Variants in BRD7 observed in about 807,000 individuals in gnomAD.
BRD7 encodes bromodomain containing 7.
Under a neutral mutation model 82.1 loss-of-function variants are expected in BRD7, and 15 were observed. The observed-to-expected ratio is 0.18, with a 90% CI of 0.12 to 0.28. The LOEUF is 0.28. Among genes scored for constraint, BRD7 ranks in the 10% least tolerant of loss-of-function variants. The pLI, the probability that BRD7 is intolerant of heterozygous loss-of-function variation, is 1.00. For missense variants in BRD7, 638 were observed against 779.9 expected, an observed-to-expected ratio of 0.82 and a Z score of 2.17; for synonymous variants, 232 against 266.9, an observed-to-expected ratio of 0.87 and a Z score of 1.27.
chr16:50,354,495 A>G lies in BRD7; in HGVS notation c.389-13T>C, dbSNP rs997720128. 1 of 1,605,102 alleles carries G rather than the reference A, an allele frequency of 6.2e-7. No homozygotes were observed. The highest frequency in any genetic ancestry group is 8.5e-7 in the Non-Finnish European group (1 of 1,173,832). ...GTCTGTTCTACTTCTAAAGCAAAGA[A>G]GAAGGGAAAAGGGTATTTTAAAAAG... On this transcript the variant is annotated splice_polypyrimidine_tract_variant and intron_variant, in intron 3 of 16. Coordinates refer to ENST00000394688, the MANE Select transcript of BRD7 (RefSeq NM_013263.5).
At chr16:50,347,054 T>G (rs2038313520) in intron 5 of BRD7, among the ~76,000 whole-genome samples, 1 of 152,190 alleles carries the variant, frequency 6.6e-6, no homozygotes, top group Non-Finnish European at 1.5e-5. Context: ...TCAAAAAGCT[T>G]ATCCACCACG....
At chr16:50,337,256 CTTTTTTTTTTT>C (rs71138063) in intron 6 of BRD7, among the ~76,000 whole-genome samples, 6 of 93,254 alleles carry the variant, frequency 6.4e-5, no homozygotes, top group Non-Finnish European at 1.2e-4. Context: ...GTTCATTCTT[CTTTTTTTTTTT>C]TTTTTTTTTT....
rs199690287 is a variant in BRD7 at position 50,354,927 on chromosome 16, A to G, written c.259-5T>C. ...ATCTCGCTTCTTTTTATCCTCCTAA[A>G]TGGAACAAAGGGAGATAATTTAGAA... On this transcript the variant is annotated splice_polypyrimidine_tract_variant and splice_region_variant and intron_variant, in intron 2 of 16. Transcript: ENST00000394688. The G allele has an allele frequency of 5.3e-4, 861 of 1,613,398 alleles. No homozygotes were observed. The highest frequency in any genetic ancestry group is 7.0e-4 in the Non-Finnish European group (827 of 1,179,740).
intron 4 of BRD7, among the ~76,000 whole-genome samples, chr16:50,352,663 T>C (rs2038575758): frequency 1.3e-5 from 2 of 151,932 alleles, no homozygotes; most frequent in Admixed American, 6.6e-5. Context: ...CAACAGTATA[T>C]ACAATTTCCC....
intron 5 of BRD7, among the ~76,000 whole-genome samples, chr16:50,346,959 A>G (rs975656401): frequency 1.3e-5 from 2 of 152,212 alleles, no homozygotes; most frequent in Admixed American, 1.3e-4. Flanking sequence ...CACAACAAAA[A>G]AAGAGAATTT....
intron 5 of BRD7, chr16:50,349,377 CT>C: frequency 2.9e-6 from 1 of 344,466 alleles, no homozygotes; most frequent in Non-Finnish European, 5.6e-6. Flanking sequence ...CACATGTACC[CT>C]AGAACTTAAA....
chr16:50,343,342 T>C (rs1386612905), intron 5 of BRD7, among the ~76,000 whole-genome samples: 1 of 152,142 alleles, frequency 6.6e-6, no homozygotes, highest in Non-Finnish European at 1.5e-5. Context: ...AGTGATAGGT[T>C]CCAAGGTGGC....
chr16:50,319,470 TAAAAA>T (rs1283686993), intron 16 of BRD7, among the ~76,000 whole-genome samples: 1 of 152,156 alleles, frequency 6.6e-6, no homozygotes, highest in Non-Finnish European at 1.5e-5. Context: ...TTAGACAAGA[TAAAAA>T]GAAAACTAAG....
At chr16:50,350,309 G>T in intron 4 of BRD7, 142 bp from the exon 5 acceptor site, 1 of 581,400 alleles carries the variant, frequency 1.7e-6, no homozygotes, top group Non-Finnish European at 2.6e-6. Flanking sequence ...GAAAACTGAA[G>T]AAATGATTTT....
At chr16:50,365,839 A>G (rs1247510859) in intron 2 of BRD7, among the ~76,000 whole-genome samples, 10 of 152,164 alleles carry the variant, frequency 6.6e-5, no homozygotes, top group East Asian at 1.9e-4. Context: ...CAGGAGTCTA[A>G]TATCTAAAGG....
intron 8 of BRD7, 149 bp downstream of exon 8, chr16:50,333,425 C>T: frequency 1.0e-6 from 1 of 994,954 alleles, no homozygotes; most frequent in Non-Finnish European, 1.5e-6. Context: ...AATTGTCTGT[C>T]CATTATTAAT....
At chr16:50,344,542 C>CAATG (rs2038205227) in intron 5 of BRD7, among the ~76,000 whole-genome samples, 1 of 152,160 alleles carries the variant, frequency 6.6e-6, no homozygotes, top group African/African-American at 2.4e-5. Flanking sequence ...GAATGGCTAA[C>CAATG]TACATTAAAT....
At chr16:50,326,733 C>CTT in intron 9 of BRD7, among the ~76,000 whole-genome samples, 1 of 151,992 alleles carries the variant, frequency 6.6e-6, no homozygotes, top group Admixed American at 6.6e-5. Context: ...TTAACCAGTA[C>CTT]AAAGGTTAGT....
At chr16:50,340,190 A>C (rs1018383852) in intron 5 of BRD7, 104 bp from the exon 6 acceptor site, 1 of 552,686 alleles carries the variant, frequency 1.8e-6, no homozygotes, top group East Asian at 3.1e-5. Flanking sequence ...AAAAAGCAAC[A>C]TCCCTTTCTT....
chr16:50,359,793 G>T (rs2038872845), intron 2 of BRD7, among the ~76,000 whole-genome samples: 1 of 152,118 alleles, frequency 6.6e-6, no homozygotes, highest in Non-Finnish European at 1.5e-5. Flanking sequence ...GGACAAGTGT[G>T]GGAAGGTTTC....
chr16:50,368,206 G>C lies in BRD7; in HGVS notation c.142C>G (p.Leu48Val). 6.2e-7 allele frequency: 1 copy of C among 1,614,186 alleles called. No individual in the cohort carries two copies. The highest frequency in any genetic ancestry group is 1.3e-5 in the African/African-American group (1 of 75,028). Residue 48 changes from leucine (L) to valine (V), a missense_variant, in exon 2 of 17, where the codon CTC (leucine) becomes GTC (valine). By Grantham distance (32) the Leu-to-Val change is conservative. Transcript: ENST00000394688. ...TCATGATCGTTTTTGTCTTCGAAGAGGCTGGAGTCGTGCCCCGAGCTGCCC... is the reference window on the plus strand; with the variant it reads ...TCATGATCGTTTTTGTCTTCGAAGACGCTGGAGTCGTGCCCCGAGCTGCCC... ...STGSSGHDSS[L>V]FEDKNDHDKH...
chr16:50,351,029 T>A (rs2038499327), intron 4 of BRD7, among the ~76,000 whole-genome samples: 1 of 152,258 alleles, frequency 6.6e-6, no homozygotes, highest in South Asian at 2.1e-4. Context: ...TAAATCATTA[T>A]GCTAATTTTT....
At chr16:50,351,809 T>C (rs773152812) in intron 4 of BRD7, among the ~76,000 whole-genome samples, 1 of 152,176 alleles carries the variant, frequency 6.6e-6, no homozygotes, top group Non-Finnish European at 1.5e-5. Flanking sequence ...CATACATATA[T>C]ACAAGGATAC....
chr16:50,321,459 C>T (rs146566021), intron 13 of BRD7, among the ~76,000 whole-genome samples: 62 of 149,436 alleles, frequency 4.1e-4, no homozygotes, highest in African/African-American at 1.4e-3. Flanking sequence ...CACAGCTACT[C>T]GGGAGGCAGA....
Sources: allele counts gnomAD v4.1 joint callset (sites outside exome capture counted in the v4.1 genomes callset), GRCh38; gene constraint gnomAD v4.1.1; transcripts MANE v1.5; gene names NCBI Gene and HGNC (gene_info 2026-07-23, HGNC 2026-07-21).